Variants in SEMA4D observed in about 807,000 individuals in gnomAD.
SEMA4D encodes the protein semaphorin 4D, also known as semaphorin-4D.
Under a neutral mutation model 74.8 loss-of-function variants are expected in SEMA4D, and 22 were observed. That is an observed-to-expected ratio of 0.29 (90% confidence interval 0.21 to 0.42). The LOEUF (loss-of-function observed/expected upper bound fraction) is 0.42. SEMA4D is among the 10% of genes least tolerant of loss of function. The pLI, the probability that SEMA4D is intolerant of heterozygous loss-of-function variation, is 1.00. For missense variants in SEMA4D, 937 were observed against 1,118.4 expected, an observed-to-expected ratio of 0.84 and a Z score of 2.31; for synonymous variants, 445 against 463.7, an observed-to-expected ratio of 0.96 and a Z score of 0.52.
intron 2 of SEMA4D, among the ~76,000 whole-genome samples, chr9:89,413,050 C>T (rs1211890532): frequency 6.6e-6 from 1 of 152,188 alleles, no homozygotes. Flanking sequence ...CTTTCTTCGC[C>T]ATTTCTGAGA....
chr9:89,419,546 G>A (rs1011701050), intron 2 of SEMA4D, among the ~76,000 whole-genome samples: 2 of 152,210 alleles, frequency 1.3e-5, no homozygotes, highest in Non-Finnish European at 2.9e-5. Context: ...AAAAACAGTT[G>A]AAGGCAACAA....
intron 2 of SEMA4D, among the ~76,000 whole-genome samples, chr9:89,421,963 G>T (rs940178824): frequency 6.6e-6 from 1 of 152,170 alleles, no homozygotes; most frequent in Non-Finnish European, 1.5e-5. Flanking sequence ...AGAACTATTC[G>T]AATTCCTTCC....
Position 89,378,783 on chromosome 9 carries a change from T to C in SEMA4D, c.2510A>G (p.Asp837Gly). 6.2e-7 allele frequency: 1 copy of C among 1,614,192 alleles called. No homozygotes were observed. The highest frequency in any genetic ancestry group is 8.5e-7 in the Non-Finnish European group (1 of 1,180,046). ...GGGCTTGTCCCTGGCAGAAAGGTCGTCGATCCTCTGTGAGTCCTCCCTATC... is the reference window on the plus strand; with the variant it reads ...GGGCTTGTCCCTGGCAGAAAGGTCGCCGATCCTCTGTGAGTCCTCCCTATC... ...PTDREDSQRI[D>G]DLSARDKPFD... Residue 837 changes from aspartate (D) to glycine (G), a missense_variant, in exon 16 of 16, where the codon GAC (aspartate) becomes GGC (glycine). Physicochemically the swap from Asp to Gly is moderately conservative, Grantham distance 94 (BLOSUM62 -1). Coordinates refer to ENST00000422704, the MANE Select transcript of SEMA4D (RefSeq NM_001371194.2).
intron 2 of SEMA4D, chr9:89,450,013 C>G: frequency 6.6e-7 from 1 of 1,513,142 alleles, no homozygotes; most frequent in Non-Finnish European, 9.2e-7. Context: ...TGTGCTGAAG[C>G]TGCCCCATGC....
At position 89,381,045 on chromosome 9, in the gene SEMA4D, A is replaced by C. The variant is rs751813198; in HGVS notation, c.1663+10T>G. 1.9e-6 allele frequency: 3 copies of C among 1,614,088 alleles called. No individual in the cohort carries two copies. Among genetic ancestry groups the C allele is most frequent in the Non-Finnish European group, 2.5e-6 (3 of 1,180,026 alleles). On this transcript the variant is annotated intron_variant, in intron 15 of 15. Transcript: ENST00000422704. The surrounding 1 kb of genome is among the most constrained non-coding windows in gnomAD (Gnocchi z 4.6). ...TCCCAAAGGAAATGGGACGTCGAGG[A>C]GTCACTCACCCGGGCACACAGAAGC...
intron 16 of SEMA4D, among the ~76,000 whole-genome samples, chr9:89,371,806 T>G (rs929291425): frequency 7.2e-4 from 17 of 23,678 alleles, no homozygotes; most frequent in African/African-American, 2.6e-3. Flanking sequence ...GGTGTGTGTG[T>G]GGGGGGTGTG....
At chr9:89,389,124 C>G in intron 9 of SEMA4D, 77 bp from the exon 10 acceptor site, 1 of 1,472,844 alleles carries the variant, frequency 6.8e-7, no homozygotes, top group Non-Finnish European at 9.4e-7. Flanking sequence ...GAGGTGCACC[C>G]CTCCATGGCC....
chr9:89,363,383 G>T (rs1023455986), intron 18 of SEMA4D: 1 of 1,599,226 alleles, frequency 6.3e-7, no homozygotes, highest in Non-Finnish European at 8.5e-7. Context: ...CAGGTGCCCT[G>T]CCCCTGGCTC....
intron 2 of SEMA4D, among the ~76,000 whole-genome samples, chr9:89,421,311 T>C (rs909846819): frequency 2.0e-5 from 3 of 152,164 alleles, no homozygotes; most frequent in African/African-American, 7.2e-5. Context: ...CACACCTCGA[T>C]GGGGTAGGCA....
intron 13 of SEMA4D, chr9:89,384,560 T>C (rs1005031020): frequency 1.6e-6 from 1 of 637,398 alleles, no homozygotes; most frequent in Non-Finnish European, 2.0e-6. Context: ...AGACAGACAG[T>C]GGTAATGGCT....
At chr9:89,451,511 CCT>C (rs1453583678) in intron 2 of SEMA4D, among the ~76,000 whole-genome samples, 1 of 152,154 alleles carries the variant, frequency 6.6e-6, no homozygotes, top group Non-Finnish European at 1.5e-5. Context: ...GGATTTGTTC[CCT>C]GTTTGAAATA....
At chr9:89,364,277 G>GCATCC in intron 16 of SEMA4D, 1 of 408,972 alleles carries the variant, frequency 2.4e-6, no homozygotes, top group South Asian at 2.2e-5. Context: ...CCTTGGAACA[G>GCATCC]CATCCCACCC....
chr9:89,477,478 A>C (rs901030135), intron 1 of SEMA4D, among the ~76,000 whole-genome samples: 8 of 152,234 alleles, frequency 5.3e-5, no homozygotes, highest in Non-Finnish European at 1.2e-4. Context: ...AGAGACCTCC[A>C]CTGAAGGCCC....
intron 1 of SEMA4D, among the ~76,000 whole-genome samples, chr9:89,477,286 A>G (rs1862001764): frequency 6.6e-6 from 1 of 151,548 alleles, no homozygotes; most frequent in East Asian, 1.9e-4. Context: ...GCTCACACAC[A>G]TTCACATACA....
chr9:89,481,633 G>A (rs761797074), intron 1 of SEMA4D, among the ~76,000 whole-genome samples: 10 of 152,234 alleles, frequency 6.6e-5, no homozygotes, highest in African/African-American at 1.9e-4. Flanking sequence ...ACCGGAATAC[G>A]TGGTGGCAAG....
intron 2 of SEMA4D, among the ~76,000 whole-genome samples, chr9:89,451,035 T>C (rs1319238279): frequency 6.6e-6 from 1 of 152,216 alleles, no homozygotes; most frequent in Non-Finnish European, 1.5e-5. Context: ...CAAGCCCCTC[T>C]TCCTAGCCTT....
chr9:89,434,137 C>T (rs1849879863), intron 2 of SEMA4D, among the ~76,000 whole-genome samples: 1 of 152,218 alleles, frequency 6.6e-6, no homozygotes, highest in Non-Finnish European at 1.5e-5. Flanking sequence ...ACCAGCCAGA[C>T]CTCAGCCCCG....
chr9:89,430,449 G>C (rs1849028765), intron 2 of SEMA4D, among the ~76,000 whole-genome samples: 1 of 152,166 alleles, frequency 6.6e-6, no homozygotes, highest in South Asian at 2.1e-4. Flanking sequence ...CCCAGGGCAG[G>C]AGCCTGCAGA....
intron 1 of SEMA4D, among the ~76,000 whole-genome samples, chr9:89,471,888 G>C (rs1860414304): frequency 6.9e-6 from 1 of 145,136 alleles, no homozygotes; most frequent in African/African-American, 2.6e-5. Flanking sequence ...GTGCAAGCCA[G>C]ACAGGGTGCA....
Sources: allele counts gnomAD v4.1 joint callset (sites outside exome capture counted in the v4.1 genomes callset), GRCh38; gene constraint gnomAD v4.1.1; non-coding constraint Gnocchi (gnomAD v3.1); transcripts MANE v1.5; gene names NCBI Gene and HGNC (gene_info 2026-07-23, HGNC 2026-07-21).